The following SCN9A variants were observed in gnomAD, a reference collection of about 807,000 sequenced individuals.
SCN9A encodes sodium channel protein type 9 subunit alpha.
In SCN9A, 131 loss-of-function variants were observed where a neutral mutation model predicts 187.0. The ratio of observed to expected loss-of-function variants is 0.70; its 90% CI spans 0.61 to 0.81. The LOEUF is 0.81. Among genes scored for constraint, SCN9A ranks in the 30% least tolerant of loss-of-function variants. SCN9A has a pLI of 0.00. For missense variants in SCN9A, 2,252 were observed against 2,396.6 expected (o/e 0.94, Z 1.26); for synonymous variants, 809 against 808.6 (o/e 1.00, Z -0.01).
intron 17 of SCN9A, 79 bp downstream of exon 17, chr2:166,272,320 T>G: frequency 2.1e-6 from 2 of 958,848 alleles, no homozygotes; most frequent in Non-Finnish European, 1.5e-6. Flanking sequence ...GAAGAACTTA[T>G]GACAATAGAA....
intron 17 of SCN9A, among the ~76,000 whole-genome samples, chr2:166,252,611 C>A (rs1696095609): frequency 6.6e-6 from 1 of 151,776 alleles, no homozygotes; most frequent in Admixed American, 6.6e-5. Context: ...CTAAAGTAAG[C>A]ACCACATGCA....
intron 1 of SCN9A, among the ~76,000 whole-genome samples, chr2:166,333,972 G>A (rs1446857877): frequency 6.6e-6 from 1 of 152,026 alleles, no homozygotes; most frequent in Non-Finnish European, 1.5e-5. Context: ...TGTAAGCAAT[G>A]GAGGGCATCA....
At position 166,206,865 on chromosome 2, in the gene SCN9A, G is replaced by A. The variant is rs181221362; in HGVS notation, c.4399-2401C>T. Among the ~76,000 whole-genome samples the A allele has an allele frequency of 2.7e-4, 41 of 152,216 alleles. No homozygotes were observed. The East Asian group carries it at 6.0e-3, about 22-fold the overall frequency. On this transcript the variant is annotated intron_variant, in intron 24 of 26. Transcript: ENST00000642356. ...TTTCAACATAAACACTTTATTGGAT[G>A]TCAACATTATCCTTGATAGATTTCT...
At chr2:166,264,981 G>A (rs1696669166) in intron 17 of SCN9A, among the ~76,000 whole-genome samples, 2 of 151,968 alleles carry the variant, frequency 1.3e-5, no homozygotes, top group Non-Finnish European at 1.5e-5. Flanking sequence ...ACATGTGATA[G>A]TTTGATACAT....
At chr2:166,234,535 T>A (rs1416974310) in intron 20 of SCN9A, among the ~76,000 whole-genome samples, 1 of 152,200 alleles carries the variant, frequency 6.6e-6, no homozygotes, top group East Asian at 1.9e-4. Context: ...AACTGACTGA[T>A]GAAGCGGGAA....
At chr2:166,286,270 TA>T in intron 11 of SCN9A, 65 bp downstream of exon 11, 1 of 1,488,540 alleles carries the variant, frequency 6.7e-7, no homozygotes, top group African/African-American at 1.4e-5. Context: ...TCTCTTACCC[TA>T]AAATAAGACA....
chr2:166,201,137 T>C (rs887783649), intron 26 of SCN9A, among the ~76,000 whole-genome samples: 3 of 150,942 alleles, frequency 2.0e-5, no homozygotes, highest in Admixed American at 1.3e-4. Flanking sequence ...TTTAATAATA[T>C]GTTAATAGAA....
At chr2:166,208,410 G>A (rs1456384634) in intron 24 of SCN9A, among the ~76,000 whole-genome samples, 1 of 152,152 alleles carries the variant, frequency 6.6e-6, no homozygotes, top group East Asian at 1.9e-4. Flanking sequence ...TCTGGCACAT[G>A]GTAAGTCTTC....
chr2:166,214,247 C>T (rs1013365052), intron 24 of SCN9A, among the ~76,000 whole-genome samples: 1 of 151,942 alleles, frequency 6.6e-6, no homozygotes. Flanking sequence ...GTACAAAAAA[C>T]GATGGGGGGT....
At chr2:166,323,537 C>T (rs1338166420) in intron 1 of SCN9A, among the ~76,000 whole-genome samples, 2 of 152,072 alleles carry the variant, frequency 1.3e-5, no homozygotes, top group African/African-American at 4.8e-5. Context: ...TAAACACCAA[C>T]ACTAATTTTT....
chr2:166,298,418 A>C (rs1427951794), intron 7 of SCN9A, among the ~76,000 whole-genome samples: 2 of 152,192 alleles, frequency 1.3e-5, no homozygotes, highest in South Asian at 2.1e-4. Context: ...ATGAGCATCA[A>C]AGTAGACAGC....
At chr2:166,372,054 A>G (rs1700577173) in intron 1 of SCN9A, among the ~76,000 whole-genome samples, 1 of 151,358 alleles carries the variant, frequency 6.6e-6, no homozygotes, top group Non-Finnish European at 1.5e-5. Flanking sequence ...CTGCAAAAAT[A>G]AAGGGGGGAG....
At chr2:166,248,317 A>G (rs762010816) in intron 18 of SCN9A, 3 of 152,096 alleles carry the variant, frequency 2.0e-5, no homozygotes, top group East Asian at 3.9e-4. Flanking sequence ...TGACAAGCCC[A>G]TGCTTCTCAG....
intron 21 of SCN9A, among the ~76,000 whole-genome samples, chr2:166,233,002 A>C (rs1226018463): frequency 6.8e-6 from 1 of 147,316 alleles, no homozygotes; most frequent in East Asian, 2.0e-4. Context: ...TAGTATGCAT[A>C]TATACCATTA....
intron 26 of SCN9A, among the ~76,000 whole-genome samples, chr2:166,201,662 GTATACATA>G (rs2106342350): frequency 6.9e-6 from 1 of 145,456 alleles, no homozygotes; most frequent in South Asian, 2.2e-4. Flanking sequence ...TATATATATA[GTATACATA>G]TATACATACT....
chr2:166,204,680 G>A, intron 24 of SCN9A: 1 of 292,132 alleles, frequency 3.4e-6, no homozygotes, highest in African/African-American at 2.2e-5. Flanking sequence ...ATAAATATTT[G>A]TATTACATAT....
intron 14 of SCN9A, 65 bp downstream of exon 14, chr2:166,280,292 G>A: frequency 1.1e-6 from 1 of 918,198 alleles, no homozygotes; most frequent in Non-Finnish European, 1.7e-6. Context: ...TAAAAAATAT[G>A]AAATGACAAT....
intron 18 of SCN9A, among the ~76,000 whole-genome samples, chr2:166,243,736 T>C (rs2155879): frequency 2.0e-5 from 3 of 151,640 alleles, no homozygotes; most frequent in African/African-American, 7.3e-5. Context: ...CCTTAAGGAG[T>C]TTGGCTTATA....
At chr2:166,202,364 A>C (rs1454646766) in intron 26 of SCN9A, among the ~76,000 whole-genome samples, 2 of 151,686 alleles carry the variant, frequency 1.3e-5, no homozygotes, top group Non-Finnish European at 3.0e-5. Flanking sequence ...TTATACATTA[A>C]AGTTTAATTT....
Sources: allele counts gnomAD v4.1 joint callset (sites outside exome capture counted in the v4.1 genomes callset), GRCh38; gene constraint gnomAD v4.1.1; transcripts MANE v1.5; gene names NCBI Gene and HGNC (gene_info 2026-07-23, HGNC 2026-07-21).